Variants in COBLL1 observed in about 807,000 individuals in gnomAD.
COBLL1 encodes cordon-bleu protein-like 1.
In COBLL1, 50 loss-of-function variants were observed where a neutral mutation model predicts 94.8. The observed-to-expected ratio is 0.53, with a 90% CI of 0.42 to 0.67. COBLL1 has a LOEUF of 0.67. COBLL1 is among the 30% of genes least tolerant of loss of function. The pLI is 0.00. For missense variants in COBLL1, 1,362 were observed against 1,348.7 expected (o/e 1.01, Z -0.15); for synonymous variants, 448 against 473.8 (o/e 0.95, Z 0.71).
chr2:164,715,512 C>A (rs529448660), intron 7 of COBLL1, among the ~76,000 whole-genome samples: 3 of 151,992 alleles, frequency 2.0e-5, no homozygotes, highest in East Asian at 1.9e-4. Context: ...ACCTTACATA[C>A]TCTATGTAAA....
intron 2 of COBLL1, among the ~76,000 whole-genome samples, chr2:164,817,128 C>G (rs1286365524): frequency 3.3e-5 from 5 of 152,112 alleles, no homozygotes; most frequent in Admixed American, 6.6e-5. Context: ...GATGAGAACT[C>G]ACTGAGCAAG....
At chr2:164,703,135 C>G (rs757461951) in intron 9 of COBLL1, 4 of 1,613,610 alleles carry the variant, frequency 2.5e-6, no homozygotes, top group Non-Finnish European at 2.5e-6. Context: ...CCTCAGGTGT[C>G]CCAGGGCACT....
downstream of COBLL1, among the ~76,000 whole-genome samples, chr2:164,675,749 A>G (rs1374481206): frequency 1.3e-5 from 2 of 152,162 alleles, no homozygotes; most frequent in African/African-American, 4.8e-5. Flanking sequence ...AAAATGTTTT[A>G]TTGCTTTTCT....
intron 5 of COBLL1, 23 bp from the exon 6 acceptor site, chr2:164,722,545 TACTTTTGTATGTGAGGTTG>T (rs767915834): frequency 2.3e-6 from 3 of 1,301,346 alleles, no homozygotes; most frequent in Non-Finnish European, 2.1e-6. Context: ...AAAAGCATCT[TACTTTTGTATGTGAGGTTG>T]ACTGTTCACT....
At chr2:164,703,750 T>A in intron 9 of COBLL1, 1 of 309,716 alleles carries the variant, frequency 3.2e-6, no homozygotes, top group South Asian at 2.9e-5. Context: ...ATCCCCATGA[T>A]AAAGTCCTAG....
intron 10 of COBLL1, 51 bp from the exon 11 acceptor site, chr2:164,699,550 C>A (rs760778696): frequency 1.0e-6 from 1 of 995,836 alleles, no homozygotes; most frequent in Non-Finnish European, 1.6e-6. Context: ...GAAACACACA[C>A]ATACACACAC....
chr2:164,703,369 T>C, intron 9 of COBLL1: 1 of 595,600 alleles, frequency 1.7e-6, no homozygotes, highest in African/African-American at 1.9e-5. Context: ...AAAAAACAAA[T>C]GAAGAAAAAC....
chr2:164,744,728 T>C (rs765834972), intron 2 of COBLL1, among the ~76,000 whole-genome samples: 1 of 152,164 alleles, frequency 6.6e-6, no homozygotes, highest in Non-Finnish European at 1.5e-5. Context: ...TATTTCCCAC[T>C]GTACCTAGCA....
At chr2:164,730,374 T>C (rs1685937982) in intron 3 of COBLL1, among the ~76,000 whole-genome samples, 2 of 149,264 alleles carry the variant, frequency 1.3e-5, no homozygotes. Context: ...GGTGTGTGCC[T>C]GTAGTCCCAC....
At chr2:164,789,900 AC>A (rs1241379068) in intron 2 of COBLL1, among the ~76,000 whole-genome samples, 3 of 152,222 alleles carry the variant, frequency 2.0e-5, no homozygotes, top group Non-Finnish European at 4.4e-5. Context: ...TGGACTGATT[AC>A]GAACACGTGA....
chr2:164,694,800 G>C lies in COBLL1; in HGVS notation c.2592C>G (p.Pro864=). ...TCTGCATCTGCAAAAAAAAAGAGCT[G>C]GGTTTGGCCTGGGCATTTGAAGCCC... ...KSRASNAQAK[P]SSFFLQMQKR... Residue 864 remains proline (P), a synonymous_variant, in exon 12 of 14, where the codon CCC becomes CCG. Transcript: ENST00000652658. The C allele has an allele frequency of 1.2e-6, 2 of 1,613,694 alleles. No individual in the cohort carries two copies. Among genetic ancestry groups the C allele is most frequent in the Non-Finnish European group, 1.7e-6 (2 of 1,179,912 alleles).
intron 2 of COBLL1, among the ~76,000 whole-genome samples, chr2:164,765,308 C>A (rs1018044895): frequency 1.3e-5 from 2 of 152,080 alleles, no homozygotes; most frequent in African/African-American, 2.4e-5. Flanking sequence ...ATAAACACAA[C>A]CACAAGAATG....
At chr2:164,782,389 T>C (rs753592924) in intron 2 of COBLL1, among the ~76,000 whole-genome samples, 2 of 152,140 alleles carry the variant, frequency 1.3e-5, no homozygotes, top group Non-Finnish European at 2.9e-5. Context: ...ACAAACCGAA[T>C]AGAAAAGCAT....
At chr2:164,661,643 A>C (rs972298667) in intron 2 of COBLL1, among the ~76,000 whole-genome samples, 7 of 152,158 alleles carry the variant, frequency 4.6e-5, no homozygotes, top group African/African-American at 1.4e-4. Context: ...GTATTAATGT[A>C]GATGTCATAG....
chr2:164,796,726 A>AG (rs1404420064), intron 2 of COBLL1, among the ~76,000 whole-genome samples: 1 of 109,462 alleles, frequency 9.1e-6, no homozygotes, highest in Non-Finnish European at 2.1e-5. Flanking sequence ...AAAAAAAAAA[A>AG]GGAGAGGGAA....
intron 2 of COBLL1, among the ~76,000 whole-genome samples, chr2:164,821,642 GT>G (rs1553482464): frequency 1.3e-5 from 2 of 152,154 alleles, no homozygotes; most frequent in Non-Finnish European, 2.9e-5. Context: ...CAACAATAAA[GT>G]TTAGGGAAAG....
At chr2:164,762,948 G>A (rs566145420) in intron 2 of COBLL1, among the ~76,000 whole-genome samples, 3 of 151,998 alleles carry the variant, frequency 2.0e-5, no homozygotes, top group South Asian at 2.1e-4. Context: ...CGCCTGCCTC[G>A]GCCTCCCAAA....
intron 2 of COBLL1, among the ~76,000 whole-genome samples, chr2:164,751,852 A>C (rs1687141347): frequency 1.3e-5 from 2 of 152,156 alleles, no homozygotes; most frequent in Non-Finnish European, 2.9e-5. Flanking sequence ...GATTGTATGA[A>C]GACTCCCTCA....
Position 164,782,831 on chromosome 2 carries a change from T to C in COBLL1, c.42-38956A>G, listed in dbSNP as rs543565087. ...TAAATATATCACATTAAATGTTTAATAAAAGTTTAACATTCAAAATAACAA... is the reference window on the plus strand; with the variant it reads ...TAAATATATCACATTAAATGTTTAACAAAAGTTTAACATTCAAAATAACAA... On this transcript the variant is annotated intron_variant, in intron 2 of 13. Coordinates refer to ENST00000652658, the MANE Select transcript of COBLL1 (RefSeq NM_001365672.2). Among the ~76,000 whole-genome samples, 11 of 152,300 alleles carry C rather than the reference T, an allele frequency of 7.2e-5. No individual in the cohort carries two copies. The East Asian group carries it at 2.1e-3, about 29-fold the overall frequency.
Sources: allele counts gnomAD v4.1 joint callset (sites outside exome capture counted in the v4.1 genomes callset), GRCh38; gene constraint gnomAD v4.1.1; transcripts MANE v1.5; gene names NCBI Gene and HGNC (gene_info 2026-07-23, HGNC 2026-07-21).